Variants in RAB7B observed in about 807,000 individuals in gnomAD.
RAB7B encodes ras-related protein Rab-7b.
intron 2 of RAB7B, 132 bp downstream of exon 2, chr1:205,993,951 G>T: frequency 2.5e-6 from 1 of 396,624 alleles, no homozygotes; most frequent in Non-Finnish European, 4.4e-6. Flanking sequence ...CTTCTTTTCT[G>T]GGGATGGGAT....
At chr1:205,996,003 T>A (rs1660807376) in intron 1 of RAB7B, among the ~76,000 whole-genome samples, 1 of 152,228 alleles carries the variant, frequency 6.6e-6, no homozygotes, top group South Asian at 2.1e-4. Flanking sequence ...ACAATTTTTA[T>A]CTGTCAATTA....
chr1:205,977,660 G>GTAT lies in RAB7B; in HGVS notation c.*1188_*1190dup, dbSNP rs1660408754. On this transcript the variant is annotated 3_prime_UTR_variant, in exon 6 of 6. Transcript: ENST00000617070. ...TTTGTCTTTGGGACAGCAGCTTTGA[G>GTAT]TATTAGGTCAATGGATGTCCTTTCA... 6.6e-6 allele frequency: 1 copy of GTAT among 152,254 alleles called. No individual in the cohort carries two copies. The allele number at this position is 152,254 out of a possible 1,614,324, so 9.4% of individuals were successfully genotyped here.
chr1:205,981,882 C>G (rs1044132693), intron 5 of RAB7B, among the ~76,000 whole-genome samples: 2 of 152,010 alleles, frequency 1.3e-5, no homozygotes, highest in Admixed American at 1.3e-4. Context: ...AACACCTACT[C>G]TGATTTCTTT....
At chr1:205,987,873 C>T (rs1660640612) in intron 4 of RAB7B, among the ~76,000 whole-genome samples, 1 of 151,918 alleles carries the variant, frequency 6.6e-6, no homozygotes, top group Non-Finnish European at 1.5e-5. Context: ...ATAAAATTTA[C>T]CATTTTTAAA....
At chr1:205,985,498 C>T (rs946715644) in intron 5 of RAB7B, 42 bp downstream of exon 5, 2 of 398,558 alleles carry the variant, frequency 5.0e-6, no homozygotes, top group African/African-American at 4.1e-5. Context: ...CCTCCCCAAT[C>T]CAGGGGCGGT....
intron 1 of RAB7B, among the ~76,000 whole-genome samples, chr1:205,995,984 T>C (rs1040858432): frequency 6.6e-6 from 1 of 152,192 alleles, no homozygotes; most frequent in Non-Finnish European, 1.5e-5. Flanking sequence ...TTGTACATGG[T>C]AAGTGTGTAC....
At chr1:205,992,237 T>C (rs1660733315) in intron 4 of RAB7B, among the ~76,000 whole-genome samples, 1 of 152,218 alleles carries the variant, frequency 6.6e-6, no homozygotes, top group South Asian at 2.1e-4. Flanking sequence ...TAGATGCCTC[T>C]CTATTGTGGT....
Position 206,002,455 on chromosome 1 carries a change from A to G in RAB7B, c.-17+798T>C, listed in dbSNP as rs953716982. On this transcript the variant is annotated intron_variant, in intron 1 of 5. Coordinates refer to ENST00000617070, the MANE Select transcript of RAB7B (RefSeq NM_001164522.3). The stretch of plus-strand genomic sequence containing the variant: ...TAGAGGTTTCCATGAACAGCCATCC[A>G]TCCACTCATCCATCCATCTGTTCAT... Among the ~76,000 whole-genome samples the G allele has an allele frequency of 1.5e-3, 232 of 152,296 alleles. 4 individuals are homozygous for G. The highest frequency in any genetic ancestry group is 0.013 in the South Asian group (63 of 4,822).
chr1:205,988,729 G>C (rs1213868862), intron 4 of RAB7B, among the ~76,000 whole-genome samples: 2 of 152,164 alleles, frequency 1.3e-5, no homozygotes, highest in Non-Finnish European at 2.9e-5. Context: ...GCAGAGGAGG[G>C]AACCGGTCCA....
intron 4 of RAB7B, 77 bp from the exon 5 acceptor site, chr1:205,985,742 CCATCCCCAT>C (rs1660582869): frequency 2.4e-5 from 9 of 381,496 alleles, no homozygotes; most frequent in African/African-American, 1.1e-4. Flanking sequence ...CACATCCCCA[CCATCCCCAT>C]CAGGCCCACC....
intron 5 of RAB7B, among the ~76,000 whole-genome samples, chr1:205,984,937 G>T (rs1249527135): frequency 6.6e-6 from 1 of 151,878 alleles, no homozygotes; most frequent in African/African-American, 2.4e-5. Context: ...GGCTGTCTGT[G>T]AGCCCCTCCT....
rs903800521 is a variant in RAB7B at position 206,003,335 on chromosome 1, G to A, written c.-99C>T. 19 of 152,320 alleles carry A rather than the reference G, an allele frequency of 1.2e-4. No homozygotes were observed. Among genetic ancestry groups the A allele is most frequent in the African/African-American group, 3.9e-4 (16 of 41,442 alleles). The allele number at this position is 152,320 out of a possible 1,614,324, so 9.4% of individuals were successfully genotyped here. On this transcript the variant is annotated 5_prime_UTR_variant, in exon 1 of 6. Transcript: ENST00000617070. The stretch of plus-strand genomic sequence containing the variant: ...AGTCTGGTGGTCTCTTCTTAGAGCA[G>A]TGGTCTCAGCAGGGCCAGGGAAGAG...
intron 5 of RAB7B, among the ~76,000 whole-genome samples, chr1:205,984,865 T>C (rs1173487312): frequency 7.9e-5 from 12 of 151,894 alleles, no homozygotes; most frequent in African/African-American, 2.7e-4. Flanking sequence ...CTTCTCCCAC[T>C]CCCTTCTTCC....
chr1:205,995,542 A>C (rs1387984249), intron 1 of RAB7B, among the ~76,000 whole-genome samples: 1 of 152,164 alleles, frequency 6.6e-6, no homozygotes, highest in Non-Finnish European at 1.5e-5. Flanking sequence ...ACATGTACAC[A>C]ACGGATACTG....
chr1:205,985,437 C>T lies in RAB7B; in HGVS notation c.522+103G>A, dbSNP rs1204415561. 5 of 397,446 alleles carry T rather than the reference C, an allele frequency of 1.3e-5. No homozygotes were observed. The South Asian group carries it at 5.3e-4, about 42-fold the overall frequency. The allele number at this position is 397,446 out of a possible 1,614,324, so 24.6% of individuals were successfully genotyped here. On this transcript the variant is annotated intron_variant, in intron 5 of 5. Transcript: ENST00000617070. ...TGAGACGATGAGCAATCCTGTCCCA[C>T]CCACATCCCTGCCCACACCCAAGAT... is the stretch of plus-strand genomic sequence containing the variant.
In RAB7B at chr1:205,992,616, G is replaced by T. The variant is rs1394310759; in HGVS notation, c.260C>A (p.Ala87Asp). The T allele has an allele frequency of 2.5e-6, 1 of 398,780 alleles. No homozygotes were observed. Among genetic ancestry groups the T allele is most frequent in the Non-Finnish European group, 4.4e-6 (1 of 226,162 alleles). The allele number at this position is 398,780 out of a possible 1,614,324, so 24.7% of individuals were successfully genotyped here. ...FYKGSDGCIL[A>D]FDVTDLESFE... The stretch of plus-strand genomic sequence containing the variant: ...AGACTCCAGGTCGGTGACATCAAAA[G>T]CTAGGATGCAGCCATCGGAGCCCTT... The change falls in exon 4 of 6, where the codon GCT (alanine) becomes GAT (aspartate). Residue 87 changes from alanine to aspartate, a missense_variant. Coordinates refer to ENST00000617070, the MANE Select transcript of RAB7B (RefSeq NM_001164522.3).
intron 2 of RAB7B, 30 bp from the exon 3 acceptor site, chr1:205,993,576 C>T (rs1341979062): frequency 2.8e-5 from 11 of 398,464 alleles, no homozygotes; most frequent in African/African-American, 4.1e-5. Context: ...CATGTGAACA[C>T]ACACATGCAA....
Position 205,978,902 on chromosome 1 carries a change from G to A in RAB7B, c.549C>T (p.Leu183=). 2.5e-6 allele frequency: 1 copy of A among 398,792 alleles called. No homozygotes were observed. Among genetic ancestry groups the A allele is most frequent in the East Asian group, 3.6e-5 (1 of 28,080 alleles). The allele number at this position is 398,792 out of a possible 1,614,324, so 24.7% of individuals were successfully genotyped here. ...CTGGCGAGAGCTTGATGGATTCTGT[G>A]AGGTGATTTTCTAAGATGCTCTGGT... ...SRYQSILENH[L]TESIKLSPDQ... The change falls in exon 6 of 6, where the codon CTC becomes CTT. Residue 183 remains leucine (L), a synonymous_variant. Transcript: ENST00000617070.
At chr1:205,988,785 C>A (rs1660663727) in intron 4 of RAB7B, among the ~76,000 whole-genome samples, 1 of 152,178 alleles carries the variant, frequency 6.6e-6, no homozygotes, top group Non-Finnish European at 1.5e-5. Flanking sequence ...GAGTCCACAT[C>A]TGCGGGACGG....
Sources: allele counts gnomAD v4.1 joint callset (sites outside exome capture counted in the v4.1 genomes callset), GRCh38; gene constraint gnomAD v4.1.1; transcripts MANE v1.5; gene names NCBI Gene and HGNC (gene_info 2026-07-23, HGNC 2026-07-21).